Variants in WNT2 observed in about 807,000 individuals in gnomAD.
The protein encoded by WNT2 is Wnt family member 2, also known as protein Wnt-2.
WNT2 carries 12 observed loss-of-function variants against 36.9 expected under a neutral mutation model. The ratio of observed to expected loss-of-function variants is 0.33; its 90% CI spans 0.21 to 0.53. The LOEUF is 0.53. Ranked by LOEUF, WNT2 falls within the 20% of genes least tolerant of loss-of-function variation. The pLI, the probability that WNT2 is intolerant of heterozygous loss-of-function variation, is 0.95. For synonymous variants in WNT2, 163 were observed against 174.6 expected (o/e 0.93, Z 0.52); for missense variants, 379 against 473.1 (o/e 0.80, Z 1.84).
chr7:117,313,735 AT>A (rs990080038), intron 3 of WNT2, among the ~76,000 whole-genome samples: 1 of 152,162 alleles, frequency 6.6e-6, no homozygotes, highest in African/African-American at 2.4e-5. Context: ...GTCAGTGTAA[AT>A]TTTTTTATCC....
intron 4 of WNT2, among the ~76,000 whole-genome samples, chr7:117,293,053 C>T (rs921042572): frequency 2.0e-5 from 3 of 151,882 alleles, no homozygotes; most frequent in Non-Finnish European, 2.9e-5. Context: ...GCTCAGGAGT[C>T]GGAGCCTGCG....
chr7:117,303,994 C>A (rs1323005891), intron 3 of WNT2, among the ~76,000 whole-genome samples: 1 of 152,228 alleles, frequency 6.6e-6, no homozygotes, highest in Admixed American at 6.5e-5. Context: ...TAACGTTATG[C>A]CCTGCTAGCC....
chr7:117,287,302 G>A (rs1794601978), intron 4 of WNT2, among the ~76,000 whole-genome samples: 1 of 152,112 alleles, frequency 6.6e-6, no homozygotes, highest in African/African-American at 2.4e-5. Context: ...CCAAGGTCGT[G>A]CCACTCTACT....
chr7:117,301,472 A>T (rs1375587972), intron 3 of WNT2, among the ~76,000 whole-genome samples: 8 of 152,330 alleles, frequency 5.3e-5, no homozygotes, highest in Non-Finnish European at 2.9e-5. Context: ...CAGTATTCAA[A>T]TGTTATAACA....
chr7:117,292,644 C>G (rs573553569), intron 4 of WNT2, among the ~76,000 whole-genome samples: 3 of 152,292 alleles, frequency 2.0e-5, no homozygotes, highest in Non-Finnish European at 2.9e-5. Flanking sequence ...CAGGACTTCT[C>G]TAGAGGCTGA....
At chr7:117,321,960 T>C (rs577573486) in intron 1 of WNT2, 8 of 152,358 alleles carry the variant, frequency 5.3e-5, no homozygotes, top group African/African-American at 1.9e-4. Flanking sequence ...CTCTAGTCTG[T>C]AATTTAGCTG....
rs542814418 is a variant in WNT2 at position 117,322,679 on chromosome 7, T to C, written c.83+228A>G. Among the ~76,000 whole-genome samples, 87 of 152,142 alleles carry C rather than the reference T, an allele frequency of 5.7e-4. No homozygotes were observed. The highest frequency in any genetic ancestry group is 2.0e-3 in the African/African-American group (84 of 41,508). ...ATCCAAATAAACCAAACATCGGAGC[T>C]CTCATTTGAGGGGGAATGTGGTTTT... On this transcript the variant is annotated intron_variant, in intron 1 of 4. Transcript: ENST00000265441. The surrounding 1 kb of genome is among the most constrained non-coding windows in gnomAD (Gnocchi z 5.4).
intron 3 of WNT2, among the ~76,000 whole-genome samples, chr7:117,313,138 T>A (rs1277883540): frequency 6.6e-6 from 1 of 152,254 alleles, no homozygotes; most frequent in African/African-American, 2.4e-5. Context: ...AAGCCCAGGC[T>A]GTTCTCATTT....
chr7:117,282,875 A>G (rs1359938952), intron 4 of WNT2, among the ~76,000 whole-genome samples: 1 of 152,150 alleles, frequency 6.6e-6, no homozygotes, highest in East Asian at 1.9e-4. Context: ...GGCCTGGATT[A>G]AGACAGTGGT....
At chr7:117,288,311 C>T (rs1276394181) in intron 4 of WNT2, among the ~76,000 whole-genome samples, 1 of 152,184 alleles carries the variant, frequency 6.6e-6, no homozygotes, top group East Asian at 1.9e-4. Context: ...CTAGATGAAA[C>T]AGCCATTTCT....
chr7:117,319,556 T>C (rs1358636156), intron 2 of WNT2, among the ~76,000 whole-genome samples: 1 of 151,834 alleles, frequency 6.6e-6, no homozygotes, highest in Non-Finnish European at 1.5e-5. Context: ...AGTAAAAAGT[T>C]TCCTATTTTG....
chr7:117,275,829 C>T lies in WNT2; in HGVS notation c.*2326G>A, dbSNP rs1482333307. The stretch of plus-strand genomic sequence containing the variant: ...CAGTGGCAGGACCCACTGCCACTTG[C>T]GATGGTTGCCATAATCTCCCTTATG... On this transcript the variant is annotated 3_prime_UTR_variant, in exon 5 of 5. Transcript: ENST00000265441. Among the ~76,000 whole-genome samples the T allele has an allele frequency of 1.3e-5, 2 of 152,312 alleles. No individual in the cohort carries two copies. The highest frequency in any genetic ancestry group is 2.1e-4 in the South Asian group (1 of 4,822).
rs528507791 is a variant in WNT2, at chr7:117,281,924, G to A, written c.854-3540C>T. Among the ~76,000 whole-genome samples, 149 of 152,306 alleles carry A rather than the reference G, an allele frequency of 9.8e-4. 1 individual carries two copies. The South Asian group carries it at 0.024, about 25-fold the overall frequency. On this transcript the variant is annotated intron_variant, in intron 4 of 4. Transcript: ENST00000265441. The stretch of plus-strand genomic sequence containing the variant: ...GGAGGAGAGGACATGGGGACAGTGA[G>A]TGTAGGTAAAGTTTTCAAGAGGCTT...
intron 2 of WNT2, among the ~76,000 whole-genome samples, chr7:117,316,166 C>A (rs559688788): frequency 2.6e-5 from 4 of 152,250 alleles, no homozygotes; most frequent in Admixed American, 1.3e-4. Flanking sequence ...GGGCAAGAAC[C>A]CTTTGGGGTG....
At chr7:117,298,604 C>T (rs2116357404) in intron 3 of WNT2, among the ~76,000 whole-genome samples, 1 of 152,234 alleles carries the variant, frequency 6.6e-6, no homozygotes, top group East Asian at 1.9e-4. Context: ...TCGGCTGGCT[C>T]CCAATATAGA....
chr7:117,309,371 C>A (rs1287733403), intron 3 of WNT2, among the ~76,000 whole-genome samples: 2 of 152,162 alleles, frequency 1.3e-5, no homozygotes, highest in Non-Finnish European at 2.9e-5. Flanking sequence ...TAGTGCTCTG[C>A]AGCACTGATC....
chr7:117,308,779 T>C (rs1795064705), intron 3 of WNT2, among the ~76,000 whole-genome samples: 1 of 152,186 alleles, frequency 6.6e-6, no homozygotes, highest in Non-Finnish European at 1.5e-5. Flanking sequence ...CCTATTGATA[T>C]TCCCTACTTT....
At chr7:117,300,657 G>A (rs940789405) in intron 3 of WNT2, among the ~76,000 whole-genome samples, 21 of 152,276 alleles carry the variant, frequency 1.4e-4, no homozygotes, top group Admixed American at 7.2e-4. Context: ...AAAACTAGCC[G>A]GAGGTGGTGG....
At chr7:117,319,803 G>A (rs1795291599) in intron 2 of WNT2, among the ~76,000 whole-genome samples, 1 of 152,110 alleles carries the variant, frequency 6.6e-6, no homozygotes, top group African/African-American at 2.4e-5. Context: ...TCCTGCTAAG[G>A]AAGAAAAAAC....
Sources: gnomAD v4.1 joint callset for allele counts (sites outside exome capture counted in the v4.1 genomes callset) on GRCh38, gnomAD v4.1.1 for gene constraint, Gnocchi (gnomAD v3.1) non-coding constraint, MANE v1.5 for transcripts, NCBI Gene and HGNC (gene_info 2026-07-23, HGNC 2026-07-21) for gene names.